Variants in PTPRG observed in about 807,000 individuals in gnomAD.
PTPRG encodes the protein receptor-type tyrosine-protein phosphatase gamma.
In PTPRG, 102 loss-of-function variants were observed where a neutral mutation model predicts 165.3. The observed-to-expected ratio is 0.62, with a 90% CI of 0.53 to 0.73. The LOEUF (loss-of-function observed/expected upper bound fraction) is 0.73. PTPRG is among the 30% of genes least tolerant of loss of function. The pLI is 0.00. For missense variants in PTPRG, 1,866 were observed against 1,861.4 expected (o/e 1.00, Z -0.05); for synonymous variants, 675 against 669.5 (o/e 1.01, Z -0.13).
intron 2 of PTPRG, among the ~76,000 whole-genome samples, chr3:61,764,974 A>T (rs1236951012): frequency 1.3e-5 from 2 of 152,192 alleles, no homozygotes; most frequent in Non-Finnish European, 2.9e-5. Context: ...CCCCACAATA[A>T]AGAATTATCT....
chr3:61,799,611 G>A (rs2035172214), intron 2 of PTPRG, among the ~76,000 whole-genome samples: 1 of 152,156 alleles, frequency 6.6e-6, no homozygotes, highest in Admixed American at 6.5e-5. Flanking sequence ...TATAGGTTTT[G>A]GGGTAGAAGA....
intron 5 of PTPRG, among the ~76,000 whole-genome samples, chr3:62,102,963 T>A (rs1257652657): frequency 6.6e-6 from 1 of 152,210 alleles, no homozygotes; most frequent in Non-Finnish European, 1.5e-5. Context: ...TAGTGCATTT[T>A]CCCCCACTGG....
At chr3:61,936,704 C>G (rs2107596786) in intron 2 of PTPRG, among the ~76,000 whole-genome samples, 1 of 152,254 alleles carries the variant, frequency 6.6e-6, no homozygotes, top group Admixed American at 6.5e-5. Flanking sequence ...TTCTTCCTAA[C>G]ACTGTGAGGG....
intron 12 of PTPRG, among the ~76,000 whole-genome samples, chr3:62,211,739 G>A (rs1283431163): frequency 3.9e-5 from 6 of 152,182 alleles, no homozygotes; most frequent in Non-Finnish European, 5.9e-5. Context: ...TTTTAGTCTT[G>A]ACACCAGAGC....
chr3:62,201,662 A>C (rs566337599), intron 11 of PTPRG, 108 bp downstream of exon 11: 38 of 1,009,276 alleles, frequency 3.8e-5, no homozygotes, highest in Middle Eastern at 2.1e-4. Context: ...TGCTCAGTGT[A>C]AAGCGGTTAT....
chr3:61,883,074 C>T (rs1020805140), intron 2 of PTPRG, among the ~76,000 whole-genome samples: 4 of 151,712 alleles, frequency 2.6e-5, no homozygotes, highest in African/African-American at 9.7e-5. Context: ...ACCAACAGCT[C>T]AATACTGTGG....
At chr3:61,827,155 C>A (rs914060511) in intron 2 of PTPRG, among the ~76,000 whole-genome samples, 5 of 152,234 alleles carry the variant, frequency 3.3e-5, no homozygotes, top group African/African-American at 1.2e-4. Context: ...GCTACCCTCT[C>A]AGCCTGGGTA....
intron 15 of PTPRG, among the ~76,000 whole-genome samples, chr3:62,253,307 A>G (rs570733889): frequency 3.9e-5 from 6 of 152,280 alleles, no homozygotes; most frequent in African/African-American, 1.2e-4. Context: ...TGTCGTATAA[A>G]TGTTGCCTTC....
chr3:61,761,519 A>C (rs1000129344), intron 2 of PTPRG, among the ~76,000 whole-genome samples: 6 of 152,222 alleles, frequency 3.9e-5, no homozygotes, highest in Non-Finnish European at 1.5e-5. Flanking sequence ...TGGAGGTTGC[A>C]GTGAGCTGAG....
intron 2 of PTPRG, among the ~76,000 whole-genome samples, chr3:61,870,722 C>T (rs1446759909): frequency 6.6e-6 from 1 of 151,616 alleles, no homozygotes; most frequent in East Asian, 1.9e-4. Context: ...TTTTGAGCAT[C>T]AATTGGTAAC....
chr3:61,961,033 A>T lies in PTPRG; in HGVS notation c.191-28592A>T, dbSNP rs538498602. Among the ~76,000 whole-genome samples the T allele has an allele frequency of 2.6e-5, 4 of 152,310 alleles. No individual in the cohort carries two copies. The South Asian group carries it at 8.3e-4, about 32-fold the overall frequency. The stretch of plus-strand genomic sequence containing the variant: ...CTTAGCAGGGATCTAGTAAGGCTTC[A>T]TTATGATGATATGTGTTCTTTGCAC... On this transcript the variant is annotated intron_variant, in intron 2 of 29. Coordinates refer to ENST00000474889, the MANE Select transcript of PTPRG (RefSeq NM_002841.4).
chr3:62,100,605 AAAAAAC>A (rs1394192613), intron 5 of PTPRG, among the ~76,000 whole-genome samples: 1 of 152,182 alleles, frequency 6.6e-6, no homozygotes, highest in Non-Finnish European at 1.5e-5. Context: ...CAAAAAAACA[AAAAAAC>A]AAAAACAAGA....
intron 28 of PTPRG, among the ~76,000 whole-genome samples, chr3:62,287,268 A>G (rs1244768743): frequency 2.0e-5 from 3 of 152,114 alleles, no homozygotes; most frequent in African/African-American, 4.8e-5. Context: ...ATCAGTACAA[A>G]TGACTTTTTT....
chr3:61,976,675 T>C (rs1307375454), intron 2 of PTPRG, among the ~76,000 whole-genome samples: 1 of 152,124 alleles, frequency 6.6e-6, no homozygotes, highest in East Asian at 1.9e-4. Flanking sequence ...GTAGGGTCTT[T>C]TTAAAAAATT....
chr3:61,794,126 G>A (rs2034977365), intron 2 of PTPRG, among the ~76,000 whole-genome samples: 1 of 152,060 alleles, frequency 6.6e-6, no homozygotes, highest in Non-Finnish European at 1.5e-5. Flanking sequence ...CATTTTGCAT[G>A]AATGCTTTTA....
chr3:61,964,489 G>A (rs939139927), intron 2 of PTPRG, among the ~76,000 whole-genome samples: 2 of 152,078 alleles, frequency 1.3e-5, no homozygotes, highest in African/African-American at 2.4e-5. Flanking sequence ...CTCCATTGCC[G>A]CTGCTAGAGC....
intron 10 of PTPRG, among the ~76,000 whole-genome samples, chr3:62,198,121 T>G (rs1700013294): frequency 6.6e-6 from 1 of 152,374 alleles, no homozygotes; most frequent in Middle Eastern, 3.4e-3. Context: ...TATGTAACAT[T>G]GCAATAAATA....
chr3:61,817,219 T>A (rs938638488), intron 2 of PTPRG, among the ~76,000 whole-genome samples: 2 of 140,022 alleles, frequency 1.4e-5, no homozygotes, highest in African/African-American at 5.3e-5. Context: ...ATAATATATA[T>A]AAATATATAT....
intron 1 of PTPRG, among the ~76,000 whole-genome samples, chr3:61,583,025 G>A (rs1217854565): frequency 2.0e-5 from 3 of 152,212 alleles, no homozygotes; most frequent in African/African-American, 7.2e-5. Flanking sequence ...AACACAAAGT[G>A]AACAGAGGCA....
Sources: gnomAD v4.1 joint callset for allele counts (sites outside exome capture counted in the v4.1 genomes callset) on GRCh38, gnomAD v4.1.1 for gene constraint, MANE v1.5 for transcripts, NCBI Gene and HGNC (gene_info 2026-07-23, HGNC 2026-07-21) for gene names.